SH3PXD2B: variants seen among roughly 807,000 people sequenced by gnomAD.
SH3PXD2B encodes the protein SH3 and PX domain-containing protein 2B.
Under a neutral mutation model 73.1 loss-of-function variants are expected in SH3PXD2B, and 37 were observed. The observed-to-expected ratio is 0.51, with a 90% CI of 0.39 to 0.67. The LOEUF (loss-of-function observed/expected upper bound fraction) is 0.67. SH3PXD2B is among the 30% of genes least tolerant of loss of function. The pLI, the probability that SH3PXD2B is intolerant of heterozygous loss-of-function variation, is 0.00. For synonymous variants in SH3PXD2B, 457 were observed against 480.5 expected (o/e 0.95, Z 0.64); for missense variants, 1,053 against 1,197.8 (o/e 0.88, Z 1.78).
intron 1 of SH3PXD2B, among the ~76,000 whole-genome samples, chr5:172,447,849 C>T (rs1759708004): frequency 6.7e-6 from 1 of 150,198 alleles, no homozygotes; most frequent in Non-Finnish European, 1.5e-5. Context: ...GATGACCGGC[C>T]AGGTGAGCTG....
At chr5:172,387,496 G>A (rs2731726) in intron 4 of SH3PXD2B, among the ~76,000 whole-genome samples, 51,215 of 152,022 alleles carry the variant, frequency 0.34, 9,194 homozygotes, top group East Asian at 0.68. Context: ...GCCCAGTACC[G>A]TACACCCTTC....
At chr5:172,434,782 G>GTTTTTTTTTTTTTGTT (rs747705663) in intron 1 of SH3PXD2B, among the ~76,000 whole-genome samples, 1 of 66,350 alleles carries the variant, frequency 1.5e-5, no homozygotes, top group African/African-American at 4.6e-5. Context: ...ATGGCCAATG[G>GTTTTTTTTTTTTTGTT]TTTTTTTTTT....
chr5:172,442,799 C>G (rs768205189), intron 1 of SH3PXD2B, among the ~76,000 whole-genome samples: 13 of 152,138 alleles, frequency 8.5e-5, no homozygotes, highest in Non-Finnish European at 1.2e-4. Context: ...CATGAATAAT[C>G]CACAGTGGAT....
At chr5:172,348,151 G>A (rs540010208) in intron 10 of SH3PXD2B, among the ~76,000 whole-genome samples, 20 of 152,302 alleles carry the variant, frequency 1.3e-4, no homozygotes, top group Non-Finnish European at 2.4e-4. Context: ...ACACTTAGCT[G>A]TCTATATAGA....
rs535326545 is a variant in SH3PXD2B at position 172,375,007 on chromosome 5, T to C, written c.402-1192A>G. On this transcript the variant is annotated intron_variant, in intron 5 of 12. Transcript: ENST00000311601. ...CAGCTAGCAAGTAGCACAGCTAGAA[T>C]TGGAACCCAGATCGAACTAACTTTT... is the stretch of plus-strand genomic sequence containing the variant. 3.3e-5 allele frequency among the ~76,000 whole-genome samples: 5 copies of C among 152,310 alleles called. No individual in the cohort carries two copies. In the East Asian group the frequency reaches 9.6e-4, roughly 29 times the overall value.
chr5:172,443,001 C>T (rs772027172), intron 1 of SH3PXD2B, among the ~76,000 whole-genome samples: 98 of 152,290 alleles, frequency 6.4e-4, no homozygotes, highest in Middle Eastern at 3.4e-3. Context: ...AGGAAACCCA[C>T]GGACCCCTTC....
In SH3PXD2B at chr5:172,337,713, A is replaced by C; in HGVS notation, c.*656T>G. ...CTTCAGGGCTGACCACGGTCCCAAG[A>C]TAGAAGGTGGGAGGCAGGGCGGCTG... On this transcript the variant is annotated 3_prime_UTR_variant, in exon 13 of 13. Transcript: ENST00000311601. 1 of 992,206 alleles carries C rather than the reference A, an allele frequency of 1.0e-6. No individual in the cohort carries two copies. Among genetic ancestry groups the C allele is most frequent in the Non-Finnish European group, 1.2e-6 (1 of 834,028 alleles). 61.5% of individuals were successfully genotyped at this position (992,206 alleles called of 1,614,324 possible).
intron 1 of SH3PXD2B, among the ~76,000 whole-genome samples, chr5:172,439,698 A>ACGCG (rs1561584017): frequency 4.5e-5 from 5 of 111,550 alleles, no homozygotes; most frequent in African/African-American, 1.9e-4. Flanking sequence ...GCGCGCACAC[A>ACGCG]CACACACACA....
chr5:172,348,200 C>T (rs1196587727), intron 10 of SH3PXD2B, among the ~76,000 whole-genome samples: 1 of 152,290 alleles, frequency 6.6e-6, no homozygotes, highest in African/African-American at 2.4e-5. Context: ...GGTATTGCCA[C>T]GTGACTCAGT....
chr5:172,326,879 CAG>C (rs1319069424), intron 12 of SH3PXD2B, among the ~76,000 whole-genome samples: 1 of 134,842 alleles, frequency 7.4e-6, no homozygotes, highest in Non-Finnish European at 1.5e-5. Flanking sequence ...TTTTTTGCGA[CAG>C]AGTCTCACTC....
rs1048186294 is a variant in SH3PXD2B at position 172,421,176 on chromosome 5, C to G, written c.156+1240G>C. Among the ~76,000 whole-genome samples, 2 of 152,122 alleles carry G rather than the reference C, an allele frequency of 1.3e-5. No homozygotes were observed. The highest frequency in any genetic ancestry group is 4.8e-5 in the African/African-American group (2 of 41,422). Reference sequence around the variant, plus strand: ...CATGTTCAGAAAGCCGGGCAAGTTCCCAATGTCTCCCGAGGGTTTTCCAAA... The same window carrying G: ...CATGTTCAGAAAGCCGGGCAAGTTCGCAATGTCTCCCGAGGGTTTTCCAAA... On this transcript the variant is annotated intron_variant, in intron 2 of 12. Coordinates refer to ENST00000311601, the MANE Select transcript of SH3PXD2B (RefSeq NM_001017995.3). The surrounding 1 kb of genome is among the most constrained non-coding windows in gnomAD (Gnocchi z 4.0).
At position 172,454,416 on chromosome 5, in the gene SH3PXD2B, T is replaced by A. The variant is rs1759886385; in HGVS notation, c.-64A>T. On this transcript the variant is annotated 5_prime_UTR_variant, in exon 1 of 13. Transcript: ENST00000311601. ...GGGTGGCGCGGGGTGCAGGGAGCGC[T>A]GGGGGCGCGCCGCCGCGGGCAGGGA... The A allele has an allele frequency of 9.4e-7, 1 of 1,064,648 alleles. No homozygotes were observed. Among genetic ancestry groups the A allele is most frequent in the Non-Finnish European group, 1.2e-6 (1 of 855,074 alleles). The allele number at this position is 1,064,648 out of a possible 1,614,324, so 66.0% of individuals were successfully genotyped here.
In SH3PXD2B at chr5:172,353,418, T is replaced by C. The variant is rs1231280390; in HGVS notation, c.785+470A>G. Among the ~76,000 whole-genome samples the C allele has an allele frequency of 2.6e-5, 4 of 152,222 alleles. No individual in the cohort carries two copies. The highest frequency in any genetic ancestry group is 5.9e-5 in the Non-Finnish European group (4 of 68,046). On this transcript the variant is annotated intron_variant, in intron 9 of 12. Coordinates refer to ENST00000311601, the MANE Select transcript of SH3PXD2B (RefSeq NM_001017995.3). The surrounding 1 kb of genome is among the most constrained non-coding windows in gnomAD (Gnocchi z 4.3). ...GATATCATCACATAGGTGAAAGGGC[T>C]GTGAAAGGTGTTTGGAATGCAGACG...
At chr5:172,380,088 CCTCT>C (rs1757910273) in intron 5 of SH3PXD2B, among the ~76,000 whole-genome samples, 1 of 152,052 alleles carries the variant, frequency 6.6e-6, no homozygotes, top group African/African-American at 2.4e-5. Context: ...ACAGAGGCTC[CCTCT>C]GTCACCCAGG....
At chr5:172,438,727 G>A (rs1759450509) in intron 1 of SH3PXD2B, among the ~76,000 whole-genome samples, 1 of 152,104 alleles carries the variant, frequency 6.6e-6, no homozygotes, top group African/African-American at 2.4e-5. Flanking sequence ...ACTCCAGGGG[G>A]AATGCCTCAT....
At chr5:172,389,868 CA>C (rs1452430486) in intron 4 of SH3PXD2B, among the ~76,000 whole-genome samples, 1 of 152,208 alleles carries the variant, frequency 6.6e-6, no homozygotes, top group African/African-American at 2.4e-5. Context: ...TCTGTCCCCA[CA>C]CTGCCCCCTT....
intron 1 of SH3PXD2B, among the ~76,000 whole-genome samples, chr5:172,446,108 G>A (rs566010736): frequency 1.3e-5 from 2 of 152,292 alleles, no homozygotes; most frequent in East Asian, 3.9e-4. Flanking sequence ...CCCCCGACAA[G>A]GGCTCTAGGA....
chr5:172,334,108 A>G lies in SH3PXD2B; in HGVS notation c.*4261T>C, dbSNP rs574283844. The stretch of plus-strand genomic sequence containing the variant: ...CCCCTCATCCCTGATTGGAGCTAAG[A>G]AGGCTTACTTTGGAGTCGAGGATAG... On this transcript the variant is annotated 3_prime_UTR_variant, in exon 13 of 13. Coordinates refer to ENST00000311601, the MANE Select transcript of SH3PXD2B (RefSeq NM_001017995.3). 8.9e-6 allele frequency: 10 copies of G among 1,122,164 alleles called. 1 individual carries two copies. The South Asian group carries it at 1.6e-4, about 18-fold the overall frequency. 69.5% of individuals were successfully genotyped at this position (1,122,164 alleles called of 1,614,324 possible). A position where few individuals can be genotyped will look rare whatever the true frequency, so the allele number is the denominator to read the frequency against.
downstream of SH3PXD2B, among the ~76,000 whole-genome samples, chr5:172,331,183 A>C (rs773046483): frequency 5.3e-5 from 8 of 152,258 alleles, no homozygotes; most frequent in Non-Finnish European, 7.3e-5. Context: ...CGACAGAGCG[A>C]GACTCTTGTC....
Sources: gnomAD v4.1 joint callset for allele counts (sites outside exome capture counted in the v4.1 genomes callset) on GRCh38, gnomAD v4.1.1 for gene constraint, Gnocchi (gnomAD v3.1) non-coding constraint, MANE v1.5 for transcripts, NCBI Gene and HGNC (gene_info 2026-07-23, HGNC 2026-07-21) for gene names.